TMPRSS15: variants seen among roughly 807,000 people sequenced by gnomAD.
TMPRSS15 encodes the protein transmembrane serine protease 15, also known as enteropeptidase.
A neutral mutation model predicts 125.3 loss-of-function variants in TMPRSS15; 128 were observed. The ratio of observed to expected loss-of-function variants is 1.02; its 90% CI spans 0.89 to 1.18. The LOEUF (loss-of-function observed/expected upper bound fraction) is 1.18, where lower values mean the gene tolerates loss of function less well. TMPRSS15 is among the 50% of genes most tolerant of loss of function. The probability of loss-of-function intolerance (pLI) is 0.00; values close to 1 mark genes in which losing one functional copy is unlikely to be tolerated. For synonymous variants in TMPRSS15, 446 were observed against 423.2 expected, an observed-to-expected ratio of 1.05 and a Z score of -0.66; for missense variants, 1,283 against 1,212.7, an observed-to-expected ratio of 1.06 and a Z score of -0.86.
At chr21:18,339,194 T>C (rs2210228) in intron 13 of TMPRSS15, among the ~76,000 whole-genome samples, 39,048 of 151,528 alleles carry the variant, frequency 0.26, 5,205 homozygotes, top group African/African-American at 0.3. Context: ...TGATTAAATA[T>C]TGAGTAACAT....
chr21:18,431,207 G>A, intron 1 of TMPRSS15, among the ~76,000 whole-genome samples: 1 of 152,146 alleles, frequency 6.6e-6, no homozygotes, highest in Non-Finnish European at 1.5e-5. Context: ...GGCTACAAAT[G>A]TCTTAAGAAC....
chr21:18,429,453 C>T (rs567789688), intron 1 of TMPRSS15, among the ~76,000 whole-genome samples: 2 of 152,184 alleles, frequency 1.3e-5, no homozygotes, highest in Admixed American at 6.5e-5. Flanking sequence ...AATTATACTC[C>T]CATAATTCCC....
At chr21:18,433,578 C>T (rs537177390) in intron 1 of TMPRSS15, among the ~76,000 whole-genome samples, 9 of 146,780 alleles carry the variant, frequency 6.1e-5, no homozygotes, top group Middle Eastern at 3.5e-3. Flanking sequence ...GTGGGAGAAT[C>T]ACCTGAGCTT....
intron 17 of TMPRSS15, among the ~76,000 whole-genome samples, chr21:18,313,805 G>A (rs1260637482): frequency 6.7e-6 from 1 of 149,568 alleles, no homozygotes; most frequent in Non-Finnish European, 1.5e-5. Flanking sequence ...AGTTATCTGT[G>A]AAGAGTATAT....
chr21:18,419,530 T>C (rs1374476178), intron 1 of TMPRSS15, among the ~76,000 whole-genome samples: 2 of 152,048 alleles, frequency 1.3e-5, no homozygotes, highest in Non-Finnish European at 2.9e-5. Context: ...CGGCCGACAT[T>C]TCCTCTTTTT....
chr21:18,294,512 G>A, intron 20 of TMPRSS15, 68 bp from the exon 21 acceptor site: 1 of 1,604,952 alleles, frequency 6.2e-7, no homozygotes, highest in Non-Finnish European at 8.5e-7. Context: ...TGAAAATTGA[G>A]TGGTAACAAA....
intron 1 of TMPRSS15, among the ~76,000 whole-genome samples, chr21:18,482,992 C>A (rs1463187240): frequency 6.6e-6 from 1 of 151,616 alleles, no homozygotes; most frequent in Non-Finnish European, 1.5e-5. Flanking sequence ...TGTTAAATTA[C>A]TGGGTCCCAG....
intron 18 of TMPRSS15, among the ~76,000 whole-genome samples, chr21:18,305,038 A>G (rs1477331151): frequency 6.6e-6 from 1 of 152,106 alleles, no homozygotes; most frequent in Non-Finnish European, 1.5e-5. Context: ...AAAGGTTGAG[A>G]GCACTTACCC....
chr21:18,309,386 C>T (rs551266965), intron 18 of TMPRSS15, among the ~76,000 whole-genome samples: 1 of 152,152 alleles, frequency 6.6e-6, no homozygotes, highest in East Asian at 1.9e-4. Context: ...GCAATGGCAA[C>T]AAAAGCCAAA....
At chr21:18,296,753 C>G (rs2074912484) in intron 19 of TMPRSS15, among the ~76,000 whole-genome samples, 1 of 152,116 alleles carries the variant, frequency 6.6e-6, no homozygotes, top group Non-Finnish European at 1.5e-5. Flanking sequence ...AATCTAGAAG[C>G]CTGCTTTCTC....
intron 18 of TMPRSS15, among the ~76,000 whole-genome samples, chr21:18,307,991 C>A (rs1030089228): frequency 2.0e-5 from 3 of 152,080 alleles, no homozygotes; most frequent in African/African-American, 7.2e-5. Context: ...CAGGGAAAGC[C>A]CAGTCATCCG....
At chr21:18,426,167 GACAA>G (rs1393799539) in intron 1 of TMPRSS15, among the ~76,000 whole-genome samples, 1 of 152,058 alleles carries the variant, frequency 6.6e-6, no homozygotes, top group Admixed American at 6.5e-5. Flanking sequence ...CACTCACAGT[GACAA>G]ACAACGTAAG....
chr21:18,296,355 CAAAT>C (rs746272522), intron 19 of TMPRSS15, among the ~76,000 whole-genome samples: 9 of 152,076 alleles, frequency 5.9e-5, no homozygotes, highest in Non-Finnish European at 7.4e-5. Flanking sequence ...ATAAATTAAC[CAAAT>C]AAATAAATGA....
chr21:18,301,888 A>C (rs2074977199), intron 18 of TMPRSS15, among the ~76,000 whole-genome samples: 1 of 152,230 alleles, frequency 6.6e-6, no homozygotes, highest in South Asian at 2.1e-4. Context: ...ATATAGATGC[A>C]ACCATTATTA....
chr21:18,351,648 CA>C (rs2075570669), intron 10 of TMPRSS15, among the ~76,000 whole-genome samples: 1 of 152,138 alleles, frequency 6.6e-6, no homozygotes, highest in Non-Finnish European at 1.5e-5. Flanking sequence ...CCCAGCCATG[CA>C]GAACTATGAG....
chr21:18,328,549 T>A lies in TMPRSS15; in HGVS notation c.1780+620A>T, dbSNP rs144318029. On this transcript the variant is annotated intron_variant, in intron 15 of 24. Transcript: ENST00000284885. ...TCAATTAATACCAGCTGGTAGGAAC[T>A]GATGACTCAAAAATATTGTCCAAAA... 6.0e-3 allele frequency among the ~76,000 whole-genome samples: 917 copies of A among 152,238 alleles called. 14 individuals carry two copies. The highest frequency in any genetic ancestry group is 0.021 in the African/African-American group (874 of 41,532).
In TMPRSS15 at chr21:18,483,105, C is replaced by T. The variant is rs536665431; in HGVS notation, c.10+2694G>A. On this transcript the variant is annotated intron_variant, in intron 1 of 7. Coordinates refer to the TMPRSS15 transcript ENST00000422787. ...TCATAGAAATTCCAGTTTTACCTCA[C>T]TAGAATTGTTAGATGAAATTTCTAC... Among the ~76,000 whole-genome samples the T allele has an allele frequency of 3.3e-5, 5 of 151,970 alleles. No individual in the cohort carries two copies. The South Asian group carries it at 1.0e-3, about 31-fold the overall frequency.
At chr21:18,348,188 A>C (rs898195037) in intron 10 of TMPRSS15, among the ~76,000 whole-genome samples, 3 of 152,182 alleles carry the variant, frequency 2.0e-5, no homozygotes, top group Non-Finnish European at 4.4e-5. Flanking sequence ...GTCTCTAAAC[A>C]AATAAATAAG....
chr21:18,434,929 A>G (rs1261422080), intron 1 of TMPRSS15, among the ~76,000 whole-genome samples: 4 of 152,166 alleles, frequency 2.6e-5, no homozygotes, highest in Admixed American at 1.3e-4. Context: ...ATTTGTAAGT[A>G]CTTTAAAAAT....
Sources: gnomAD v4.1 joint callset for allele counts (sites outside exome capture counted in the v4.1 genomes callset) on GRCh38, gnomAD v4.1.1 for gene constraint, MANE v1.5 for transcripts, NCBI Gene and HGNC (gene_info 2026-07-23, HGNC 2026-07-21) for gene names.